DCC: variants seen among roughly 807,000 people sequenced by gnomAD.
DCC encodes DCC netrin 1 receptor, also known as netrin receptor DCC.
In DCC, 58 loss-of-function variants were observed where a neutral mutation model predicts 172.5. The observed-to-expected ratio is 0.34, with a 90% confidence interval of 0.27 to 0.42. The LOEUF (loss-of-function observed/expected upper bound fraction) is 0.42. DCC is among the 10% of genes least tolerant of loss of function. The pLI is 1.00. For synonymous variants in DCC, 709 were observed against 644.5 expected (o/e 1.10, Z -1.52); for missense variants, 1,740 against 1,791.0 (o/e 0.97, Z 0.51).
intron 2 of DCC, among the ~76,000 whole-genome samples, chr18:52,779,223 TAC>T (rs1194638203): frequency 6.6e-5 from 10 of 152,198 alleles, no homozygotes; most frequent in Admixed American, 2.0e-4. Flanking sequence ...GTTACATAGG[TAC>T]ACACGTGCCA....
chr18:52,475,947 A>G (rs1989081462), intron 1 of DCC, among the ~76,000 whole-genome samples: 1 of 152,158 alleles, frequency 6.6e-6, no homozygotes, highest in South Asian at 2.1e-4. Context: ...ATCTTTTGAA[A>G]TAATTTCACC....
chr18:53,483,658 C>T (rs1300463757), intron 25 of DCC, among the ~76,000 whole-genome samples: 1 of 151,688 alleles, frequency 6.6e-6, no homozygotes, highest in Non-Finnish European at 1.5e-5. Flanking sequence ...ATATATCTAT[C>T]TTATTTTTTT....
chr18:52,541,881 A>ATATATATG (rs2032465656), intron 1 of DCC, among the ~76,000 whole-genome samples: 1 of 133,084 alleles, frequency 7.5e-6, no homozygotes, highest in African/African-American at 2.7e-5. Flanking sequence ...GTGTGTATAT[A>ATATATATG]TATATATATA....
chr18:53,517,443 T>TATAATAATAATA lies in DCC; in HGVS notation c.4112-9151_4112-9140dup, dbSNP rs71179517. Among the ~76,000 whole-genome samples, 520 of 142,498 alleles carry TATAATAATAATA rather than the reference T, an allele frequency of 3.6e-3. 7 individuals carry two copies. The highest frequency in any genetic ancestry group is 0.013 in the African/African-American group (495 of 37,734). 93.5% of individuals were successfully genotyped at this position (142,498 alleles called of 152,430 possible). On this transcript the variant is annotated intron_variant, in intron 27 of 28. Coordinates refer to ENST00000442544, the MANE Select transcript of DCC (RefSeq NM_005215.4). ...TGCACATGTACCCTAAAACTTAAAA[T>TATAATAATAATA]ATAATAATAATAATAATAATAATAA...
At chr18:52,841,326 A>G (rs1001274830) in intron 2 of DCC, among the ~76,000 whole-genome samples, 1 of 152,060 alleles carries the variant, frequency 6.6e-6, no homozygotes, top group East Asian at 1.9e-4. Context: ...TGTAGAGTGC[A>G]TTGTAGGAGA....
chr18:52,471,303 G>A (rs1988938642), intron 1 of DCC, among the ~76,000 whole-genome samples: 1 of 152,166 alleles, frequency 6.6e-6, no homozygotes, highest in Non-Finnish European at 1.5e-5. Context: ...TGAGCCTCCA[G>A]CCTGGGCAAC....
intron 7 of DCC, among the ~76,000 whole-genome samples, chr18:53,066,631 A>G (rs1446107313): frequency 6.6e-6 from 1 of 151,624 alleles, no homozygotes; most frequent in Non-Finnish European, 1.5e-5. Context: ...ATATGTGCAT[A>G]TATACGTACA....
intron 1 of DCC, among the ~76,000 whole-genome samples, chr18:52,717,470 T>C (rs1023070343): frequency 6.7e-6 from 1 of 150,050 alleles, no homozygotes; most frequent in African/African-American, 2.4e-5. Flanking sequence ...AAGCTCATTC[T>C]TTATGGGCTT....
intron 7 of DCC, among the ~76,000 whole-genome samples, chr18:53,101,710 G>C (rs1035032773): frequency 1.5e-4 from 23 of 152,146 alleles, no homozygotes; most frequent in African/African-American, 5.1e-4. Flanking sequence ...ATGGAGTCTT[G>C]ATTCTGAGAC....
chr18:52,468,622 A>G (rs1461785155), intron 1 of DCC, among the ~76,000 whole-genome samples: 1 of 152,218 alleles, frequency 6.6e-6, no homozygotes, highest in Non-Finnish European at 1.5e-5. Context: ...GCATTAATAA[A>G]ACAGATGCAA....
At chr18:52,459,691 G>C (rs949613154) in intron 1 of DCC, among the ~76,000 whole-genome samples, 2 of 151,768 alleles carry the variant, frequency 1.3e-5, no homozygotes, top group African/African-American at 4.8e-5. Flanking sequence ...GGATGGTCTC[G>C]ATCTCCTGAC....
In DCC at chr18:52,537,384, T is replaced by C. The variant is rs377740233; in HGVS notation, c.91+196506T>C. Among the ~76,000 whole-genome samples, 297 of 152,236 alleles carry C rather than the reference T, an allele frequency of 2.0e-3. 2 individuals carry two copies. Among genetic ancestry groups the C allele is most frequent in the African/African-American group, 7.0e-3 (289 of 41,530 alleles). ...TTTCATAGGTTCTAAAATTAGGCTG[T>C]TGTGGGATGGGTTTTTGGAAATTAA... On this transcript the variant is annotated intron_variant, in intron 1 of 28. Coordinates refer to ENST00000442544, the MANE Select transcript of DCC (RefSeq NM_005215.4).
intron 15 of DCC, among the ~76,000 whole-genome samples, chr18:53,357,597 T>G (rs1221937112): frequency 6.6e-6 from 1 of 152,196 alleles, no homozygotes. Flanking sequence ...TTAACAAAAT[T>G]CTGCTTTGTA....
At chr18:53,438,885 G>A (rs914537886) in intron 22 of DCC, among the ~76,000 whole-genome samples, 8 of 152,184 alleles carry the variant, frequency 5.3e-5, no homozygotes, top group African/African-American at 1.2e-4. Context: ...GGAGAAAGTC[G>A]TGAAGATTAA....
At chr18:52,483,767 G>A (rs10460088) in intron 1 of DCC, among the ~76,000 whole-genome samples, 8,785 of 151,968 alleles carry the variant, frequency 0.058, 315 homozygotes, top group South Asian at 0.12. Flanking sequence ...TTTCAGTTCT[G>A]TGAAATTTTT....
intron 8 of DCC, among the ~76,000 whole-genome samples, chr18:53,158,612 A>G (rs573407866): frequency 6.6e-6 from 1 of 152,024 alleles, no homozygotes; most frequent in South Asian, 2.1e-4. Flanking sequence ...GGGTCTCAAA[A>G]TGCTCTCCTT....
At position 52,847,979 on chromosome 18, in the gene DCC, T is replaced by A. The variant is rs186537569; in HGVS notation, c.413-58065T>A. 3.3e-5 allele frequency among the ~76,000 whole-genome samples: 5 copies of A among 152,336 alleles called. No homozygotes were observed. The East Asian group carries it at 9.6e-4, about 29-fold the overall frequency. Reference sequence around the variant, plus strand: ...ACATCAGTTTGTGCCTATTGATTATTTAAGTCTGATAAATTACCTGGACAT... The same window carrying A: ...ACATCAGTTTGTGCCTATTGATTATATAAGTCTGATAAATTACCTGGACAT... On this transcript the variant is annotated intron_variant, in intron 2 of 28. Coordinates refer to ENST00000442544, the MANE Select transcript of DCC (RefSeq NM_005215.4).
chr18:53,116,534 A>G (rs913112671), intron 7 of DCC, among the ~76,000 whole-genome samples: 1 of 151,672 alleles, frequency 6.6e-6, no homozygotes, highest in Non-Finnish European at 1.5e-5. Flanking sequence ...GATGTTTGCA[A>G]AGTTACCTCT....
intron 11 of DCC, among the ~76,000 whole-genome samples, chr18:53,208,417 AAT>A (rs1426298236): frequency 2.6e-5 from 4 of 152,070 alleles, no homozygotes; most frequent in African/African-American, 9.7e-5. Context: ...TACATTTTCT[AAT>A]ACACATTTGT....
Sources: gnomAD v4.1 joint callset for allele counts (sites outside exome capture counted in the v4.1 genomes callset) on GRCh38, gnomAD v4.1.1 for gene constraint, MANE v1.5 for transcripts, NCBI Gene and HGNC (gene_info 2026-07-23, HGNC 2026-07-21) for gene names.